PIEZO2: variants seen among roughly 807,000 people sequenced by gnomAD.
The protein encoded by PIEZO2 is piezo-type mechanosensitive ion channel component 2.
In PIEZO2, 172 loss-of-function variants were observed where a neutral mutation model predicts 337.3. The ratio of observed to expected loss-of-function variants is 0.51; its 90% CI spans 0.45 to 0.58. PIEZO2 has a LOEUF of 0.58. PIEZO2 is among the 20% of genes least tolerant of loss of function. PIEZO2 has a pLI of 0.00. For missense variants in PIEZO2, 3,028 were observed against 3,391.3 expected (o/e 0.89, Z 2.66); for synonymous variants, 1,251 against 1,228.5 (o/e 1.02, Z -0.38).
chr18:10,684,411 C>T (rs368832016), intron 49 of PIEZO2, among the ~76,000 whole-genome samples: 16 of 150,254 alleles, frequency 1.1e-4, no homozygotes, highest in African/African-American at 2.5e-4. Flanking sequence ...GTGATCTGCC[C>T]GCCTCGGCCT....
At chr18:10,697,104 A>G (rs1388495534) in intron 45 of PIEZO2, among the ~76,000 whole-genome samples, 1 of 152,092 alleles carries the variant, frequency 6.6e-6, no homozygotes, top group Non-Finnish European at 1.5e-5. Flanking sequence ...CCTTTTATCT[A>G]TGCTTTGCTC....
In PIEZO2 at chr18:10,795,335, T is replaced by C. The variant is rs1376139276; in HGVS notation, c.1528-333A>G. 0.073 allele frequency among the ~76,000 whole-genome samples: 1,491 copies of C among 20,328 alleles called. 40 individuals are homozygous for C. The highest frequency in any genetic ancestry group is 0.17 in the African/African-American group (1,386 of 8,190). The allele number at this position is 20,328 out of a possible 152,430, so 13.3% of individuals were successfully genotyped here. On this transcript the variant is annotated intron_variant, in intron 12 of 55. Transcript: ENST00000674853. The surrounding 1 kb of genome is among the most constrained non-coding windows in gnomAD (Gnocchi z 4.4). ...TCAAATATTTTATTTTATTTTATTT[T>C]ATTTTATTTTATTTTATTATTTTAT...
chr18:11,041,318 T>C (rs1351500582), intron 2 of PIEZO2, among the ~76,000 whole-genome samples: 1 of 152,164 alleles, frequency 6.6e-6, no homozygotes, highest in African/African-American at 2.4e-5. Flanking sequence ...AGTTCCCAAA[T>C]TTAATCAAGA....
rs1228876078 is a variant in PIEZO2 at position 10,676,322 on chromosome 18, G to C, written c.8082-1034C>G. ...TCCATATATTCCATGCATTACAATGGGGCCAGGGCAGTCTGGAGGACAAAA... is the reference window on the plus strand; with the variant it reads ...TCCATATATTCCATGCATTACAATGCGGCCAGGGCAGTCTGGAGGACAAAA... On this transcript the variant is annotated intron_variant, in intron 53 of 55. Transcript: ENST00000674853. This position sits in a 1 kb window ranked among gnomAD's most constrained non-coding sequence, Gnocchi z 5.1. 6.6e-6 allele frequency among the ~76,000 whole-genome samples: 1 copy of C among 152,112 alleles called. No individual in the cohort carries two copies. The highest frequency in any genetic ancestry group is 6.6e-5 in the Admixed American group (1 of 15,266).
chr18:10,865,113 G>A (rs780736108), intron 5 of PIEZO2, among the ~76,000 whole-genome samples: 48 of 152,170 alleles, frequency 3.2e-4, no homozygotes, highest in Non-Finnish European at 5.7e-4. Flanking sequence ...ACAGAGAGAA[G>A]GGCAGGGTGG....
At chr18:10,918,481 T>A (rs1288775059) in intron 3 of PIEZO2, among the ~76,000 whole-genome samples, 1 of 152,074 alleles carries the variant, frequency 6.6e-6, no homozygotes, top group Admixed American at 6.5e-5. Flanking sequence ...CTTTTCATAA[T>A]GTCTTAATAT....
At chr18:10,711,189 A>C (rs1309973194) in intron 39 of PIEZO2, among the ~76,000 whole-genome samples, 3 of 152,182 alleles carry the variant, frequency 2.0e-5, no homozygotes, top group Non-Finnish European at 4.4e-5. Context: ...TATTTTAACC[A>C]GTTGTTTTTC....
intron 3 of PIEZO2, among the ~76,000 whole-genome samples, chr18:10,944,389 T>C (rs920545118): frequency 1.3e-5 from 2 of 151,374 alleles, no homozygotes; most frequent in African/African-American, 2.4e-5. Flanking sequence ...AATCATCAGT[T>C]ATTGAATTGT....
At position 11,032,368 on chromosome 18, in the gene PIEZO2, CAG is replaced by C. The variant is rs1162470484; in HGVS notation, c.160+33757_160+33758del. Among the ~76,000 whole-genome samples, 1 of 152,198 alleles carries C rather than the reference CAG, an allele frequency of 6.6e-6. No homozygotes were observed. The highest frequency in any genetic ancestry group is 1.5e-5 in the Non-Finnish European group (1 of 68,040). On this transcript the variant is annotated intron_variant, in intron 2 of 55. Transcript: ENST00000674853. This position sits in a 1 kb window ranked among gnomAD's most constrained non-coding sequence, Gnocchi z 4.9. The stretch of plus-strand genomic sequence containing the variant: ...GGACATTCATTTCCGTGTCTGCAGA[CAG>C]AAGGTAATGGCATCTCTCCATTATA...
chr18:10,720,395 GTGTGTGTGTATGTGTATGTGTATGTATA>G (rs2036233348), intron 36 of PIEZO2, among the ~76,000 whole-genome samples: 2 of 23,166 alleles, frequency 8.6e-5, no homozygotes, highest in Non-Finnish European at 1.9e-4. Flanking sequence ...GTGTGTGTGT[GTGTGTGTGTATGTGTATGTGTATGTATA>G]TATATATATA....
rs951021895 is a variant in PIEZO2, at chr18:11,003,566, T to C, written c.161-23906A>G. ...AGTCAGATAATAATTTACCCACTTA[T>C]TCTAGTTCAGGGTTGCAGGGGGCTG... is the stretch of plus-strand genomic sequence containing the variant. On this transcript the variant is annotated intron_variant, in intron 2 of 55. Coordinates refer to ENST00000674853, the MANE Select transcript of PIEZO2 (RefSeq NM_001378183.1). The surrounding 1 kb of genome is among the most constrained non-coding windows in gnomAD (Gnocchi z 4.6). 2.0e-5 allele frequency among the ~76,000 whole-genome samples: 3 copies of C among 152,220 alleles called. No homozygotes were observed. Among genetic ancestry groups the C allele is most frequent in the Non-Finnish European group, 4.4e-5 (3 of 68,042 alleles).
At chr18:10,831,977 C>T (rs539138903) in intron 7 of PIEZO2, among the ~76,000 whole-genome samples, 1 of 152,170 alleles carries the variant, frequency 6.6e-6, no homozygotes, top group South Asian at 2.1e-4. Flanking sequence ...ACGTTCTTCC[C>T]AAAACAATGC....
At chr18:10,684,549 C>A (rs1289865211) in intron 49 of PIEZO2, among the ~76,000 whole-genome samples, 1 of 151,190 alleles carries the variant, frequency 6.6e-6, no homozygotes, top group Non-Finnish European at 1.5e-5. Context: ...ACTGCAACTT[C>A]CACCACCTGG....
At chr18:10,860,132 A>G (rs1468816137) in intron 5 of PIEZO2, among the ~76,000 whole-genome samples, 1 of 152,134 alleles carries the variant, frequency 6.6e-6, no homozygotes, top group African/African-American at 2.4e-5. Flanking sequence ...GGCAGCTATT[A>G]TAGGAGTCTG....
chr18:10,785,604 C>A (rs1244677073), intron 16 of PIEZO2, among the ~76,000 whole-genome samples: 2 of 152,190 alleles, frequency 1.3e-5, no homozygotes, highest in African/African-American at 4.8e-5. Flanking sequence ...AATGGTACAA[C>A]TGTCTACCCT....
At chr18:10,688,126 A>G (rs111706404) in intron 49 of PIEZO2, among the ~76,000 whole-genome samples, 1,575 of 152,088 alleles carry the variant, frequency 0.01, 8 homozygotes, top group Non-Finnish European at 0.016. Flanking sequence ...CCCATGCGTT[A>G]GGTATTTGTC....
In PIEZO2 at chr18:11,078,832, A is replaced by T. The variant is rs181506271; in HGVS notation, c.65-12610T>A. Among the ~76,000 whole-genome samples the T allele has an allele frequency of 2.0e-5, 3 of 152,336 alleles. No homozygotes were observed. Among genetic ancestry groups the T allele is most frequent in the Non-Finnish European group, 4.4e-5 (3 of 68,020 alleles). ...CTCAGAGTATTTGGCCTTACATTTC[A>T]TCGAATCACAGAGTCTGTGTTACTG... On this transcript the variant is annotated intron_variant, in intron 1 of 55. Transcript: ENST00000674853. This position sits in a 1 kb window ranked among gnomAD's most constrained non-coding sequence, Gnocchi z 5.3.
intron 4 of PIEZO2, among the ~76,000 whole-genome samples, chr18:10,887,361 T>A (rs264215): frequency 5.3e-5 from 8 of 151,612 alleles, no homozygotes; most frequent in Non-Finnish European, 8.8e-5. Flanking sequence ...GAGCCACCGC[T>A]CCTGGCCGAC....
At chr18:10,698,342 CAGGAGCCCCATAATTATAAAAGCTTCA>C (rs1476062518) in intron 44 of PIEZO2, among the ~76,000 whole-genome samples, 1 of 151,742 alleles carries the variant, frequency 6.6e-6, no homozygotes, top group East Asian at 1.9e-4. Context: ...AAGCTTCAGA[CAGGAGCCCCATAATTATAAAAGCTTCA>C]GACAGGAGCC....
Sources: gnomAD v4.1 joint callset for allele counts (sites outside exome capture counted in the v4.1 genomes callset) on GRCh38, gnomAD v4.1.1 for gene constraint, Gnocchi (gnomAD v3.1) non-coding constraint, MANE v1.5 for transcripts, NCBI Gene and HGNC (gene_info 2026-07-23, HGNC 2026-07-21) for gene names.